HIP1: variants seen among roughly 807,000 people sequenced by gnomAD.
HIP1 encodes the protein huntingtin interacting protein 1.
HIP1 carries 65 observed loss-of-function variants against 147.6 expected under a neutral mutation model. That is an observed-to-expected ratio of 0.44 (90% confidence interval 0.36 to 0.54). The LOEUF (loss-of-function observed/expected upper bound fraction) is 0.54, where lower values mean the gene tolerates loss of function less well. HIP1 is among the 20% of genes least tolerant of loss of function. The pLI, the probability that HIP1 is intolerant of heterozygous loss-of-function variation, is 0.00. For missense variants in HIP1, 1,061 were observed against 1,299.6 expected (o/e 0.82, Z 2.82); for synonymous variants, 479 against 504.0 (o/e 0.95, Z 0.67).
chr7:75,639,574 TGTGTGTGTGTGTGTGTGTGCGCCCGC>T (rs1402990473), intron 1 of HIP1, among the ~76,000 whole-genome samples: 3 of 148,876 alleles, frequency 2.0e-5, no homozygotes, highest in African/African-American at 7.5e-5. Context: ...TGTGTGTGTG[TGTGTGTGTGTGTGTGTGTGCGCCCGC>T]GTGTGTGTGC....
chr7:75,541,892 A>G (rs372182633), intron 29 of HIP1, 27 bp downstream of exon 29: 3 of 1,542,852 alleles, frequency 1.9e-6, no homozygotes, highest in Non-Finnish European at 2.7e-6. Context: ...AATAGAGGCT[A>G]TCTAGACTTA....
At chr7:75,632,252 T>G (rs1352534841) in intron 1 of HIP1, among the ~76,000 whole-genome samples, 2 of 152,158 alleles carry the variant, frequency 1.3e-5, no homozygotes, top group African/African-American at 4.8e-5. Context: ...GATCCTTTCA[T>G]ATCTTAACGT....
At chr7:75,705,728 C>T (rs1359638412) in intron 1 of HIP1, among the ~76,000 whole-genome samples, 3 of 152,158 alleles carry the variant, frequency 2.0e-5, no homozygotes, top group Non-Finnish European at 4.4e-5. Context: ...CATTCATCCA[C>T]TGATGCACAC....
chr7:75,700,769 G>A (rs552498009), intron 1 of HIP1, among the ~76,000 whole-genome samples: 2 of 151,580 alleles, frequency 1.3e-5, no homozygotes, highest in East Asian at 2.0e-4. Flanking sequence ...GCAGTGGCGC[G>A]ATCTCGGCTC....
chr7:75,543,079 G>C, intron 27 of HIP1, 105 bp from the exon 28 acceptor site: 1 of 1,190,556 alleles, frequency 8.4e-7, no homozygotes, highest in Non-Finnish European at 1.2e-6. Context: ...GGGCCAAACG[G>C]CAATCACCAA....
intron 13 of HIP1, 28 bp downstream of exon 13, chr7:75,561,301 G>T: frequency 1.3e-6 from 2 of 1,501,600 alleles, no homozygotes; most frequent in African/African-American, 1.4e-5. Flanking sequence ...TTGGTGAAGC[G>T]CAAAGGCAGA....
intron 25 of HIP1, among the ~76,000 whole-genome samples, chr7:75,545,970 C>T (rs989263895): frequency 2.0e-5 from 3 of 151,908 alleles, no homozygotes; most frequent in African/African-American, 7.3e-5. Flanking sequence ...ACAAAAAACC[C>T]AAAACAACAA....
rs999831877 is a variant in HIP1, at chr7:75,658,370, G to A, written c.121-59123C>T. Among the ~76,000 whole-genome samples, 22 of 152,272 alleles carry A rather than the reference G, an allele frequency of 1.4e-4. No homozygotes were observed. In the South Asian group the frequency reaches 4.1e-3, roughly 29 times the overall value. On this transcript the variant is annotated intron_variant, in intron 1 of 30. Transcript: ENST00000336926. ...CTCCCAAAGTGTTGGGATTACAGGC[G>A]TGAGCCACTGTATCCGGCCTCTTCT...
At chr7:75,593,737 G>A (rs1231889540) in intron 2 of HIP1, among the ~76,000 whole-genome samples, 14 of 151,608 alleles carry the variant, frequency 9.2e-5, no homozygotes, top group African/African-American at 3.2e-4. Flanking sequence ...CCTCCAGGCA[G>A]CATCTCCCAG....
intron 1 of HIP1, among the ~76,000 whole-genome samples, chr7:75,704,332 G>A (rs577997242): frequency 8.3e-4 from 126 of 151,644 alleles, no homozygotes; most frequent in African/African-American, 2.8e-3. Flanking sequence ...TGCAACCTCC[G>A]CCTCCCGGTT....
chr7:75,560,069 A>G (rs1368415239), intron 13 of HIP1, among the ~76,000 whole-genome samples, 154 bp from the exon 14 acceptor site: 1 of 152,208 alleles, frequency 6.6e-6, no homozygotes, highest in Non-Finnish European at 1.5e-5. Context: ...TCTGGTCATT[A>G]GGAGCCCCTC....
chr7:75,544,758 C>T lies in HIP1; in HGVS notation c.2703G>A (p.Glu901=). Residue 901 remains glutamate (E), a synonymous_variant, in exon 27 of 31, where the codon GAG becomes GAA. Transcript: ENST00000336926. The part of the protein sequence containing the change: ...DLVVQGRGKF[E]ELMVCSHEIA... Reference sequence around the variant, plus strand: ...TTTCATGAGAACACACCATTAGCTCCTCAAATTTCCCTCTGCCTTGTACCA... The same window carrying T: ...TTTCATGAGAACACACCATTAGCTCTTCAAATTTCCCTCTGCCTTGTACCA... 6.2e-7 allele frequency: 1 copy of T among 1,613,840 alleles called. No homozygotes were observed. Among genetic ancestry groups the T allele is most frequent in the East Asian group, 2.2e-5 (1 of 44,884 alleles).
intron 1 of HIP1, among the ~76,000 whole-genome samples, chr7:75,663,780 GGAGTA>G (rs1368337721): frequency 6.6e-6 from 1 of 150,906 alleles, no homozygotes; most frequent in Non-Finnish European, 1.5e-5. Context: ...GGAGGGGAGT[GGAGTA>G]GTGAGTGATA....
intron 1 of HIP1, among the ~76,000 whole-genome samples, chr7:75,661,404 C>T (rs1554513569): frequency 6.6e-6 from 1 of 150,840 alleles, no homozygotes; most frequent in Non-Finnish European, 1.5e-5. Flanking sequence ...GAAACCCCGT[C>T]TCTACTAAAA....
chr7:75,557,264 C>T (rs1308311234), intron 16 of HIP1, among the ~76,000 whole-genome samples: 2 of 151,862 alleles, frequency 1.3e-5, no homozygotes, highest in Admixed American at 6.6e-5. Context: ...GTCTCGAACT[C>T]CTGACTTGGT....
At chr7:75,707,797 A>G (rs1372653953) in intron 1 of HIP1, among the ~76,000 whole-genome samples, 2 of 133,488 alleles carry the variant, frequency 1.5e-5, no homozygotes, top group Non-Finnish European at 3.1e-5. Flanking sequence ...ATAATGCCGC[A>G]TATCTACAAC....
At chr7:75,710,722 C>A (rs1801144755) in intron 1 of HIP1, among the ~76,000 whole-genome samples, 1 of 152,062 alleles carries the variant, frequency 6.6e-6, no homozygotes, top group Non-Finnish European at 1.5e-5. Flanking sequence ...CTATGAATAG[C>A]CACTGCACTG....
At chr7:75,596,846 T>G (rs1345343429) in intron 2 of HIP1, among the ~76,000 whole-genome samples, 1 of 152,226 alleles carries the variant, frequency 6.6e-6, no homozygotes, top group South Asian at 2.1e-4. Context: ...CCCGGCAGCA[T>G]GTGACCTGAC....
intron 1 of HIP1, among the ~76,000 whole-genome samples, chr7:75,618,630 CTT>C (rs2117084307): frequency 6.6e-6 from 1 of 152,272 alleles, no homozygotes; most frequent in Non-Finnish European, 1.5e-5. Flanking sequence ...TGTCTCTTCT[CTT>C]TTATTAATAT....
Sources: allele counts gnomAD v4.1 joint callset (sites outside exome capture counted in the v4.1 genomes callset), GRCh38; gene constraint gnomAD v4.1.1; transcripts MANE v1.5; gene names NCBI Gene and HGNC (gene_info 2026-07-23, HGNC 2026-07-21).